The following SERGEF variants were observed in gnomAD, a reference collection of about 807,000 sequenced individuals.
SERGEF encodes the protein secretion regulating guanine nucleotide exchange factor, also known as secretion-regulating guanine nucleotide exchange factor.
A neutral mutation model predicts 50.0 loss-of-function variants in SERGEF; 51 were observed. The ratio of observed to expected loss-of-function variants is 1.02; its 90% CI spans 0.81 to 1.29. SERGEF has a LOEUF of 1.29. Among genes scored for constraint, SERGEF ranks in the 50% most tolerant of loss-of-function variants. The probability of loss-of-function intolerance (pLI) is 0.00; values close to 1 mark genes in which losing one functional copy is unlikely to be tolerated. For synonymous variants in SERGEF, 205 were observed against 212.4 expected, an observed-to-expected ratio of 0.97 and a Z score of 0.30; for missense variants, 521 against 557.0, an observed-to-expected ratio of 0.94 and a Z score of 0.65.
At chr11:17,830,117 T>C (rs1406766008) in intron 10 of SERGEF, among the ~76,000 whole-genome samples, 1 of 152,210 alleles carries the variant, frequency 6.6e-6, no homozygotes, top group Non-Finnish European at 1.5e-5. Flanking sequence ...CCCACCTCTC[T>C]ACCCATCCTG....
At chr11:17,977,292 G>A (rs1853397686) in intron 8 of SERGEF, among the ~76,000 whole-genome samples, 1 of 152,184 alleles carries the variant, frequency 6.6e-6, no homozygotes, top group Admixed American at 6.5e-5. Flanking sequence ...ACACAGTGAA[G>A]GGAATAGAGT....
chr11:17,938,291 C>A (rs1023551431), intron 9 of SERGEF, among the ~76,000 whole-genome samples: 1 of 152,148 alleles, frequency 6.6e-6, no homozygotes, highest in Non-Finnish European at 1.5e-5. Context: ...GTTTGGCCCA[C>A]CAAGTATTTT....
chr11:17,959,707 CAAGAGA>C, intron 8 of SERGEF, 71 bp from the exon 9 acceptor site: 1 of 1,354,070 alleles, frequency 7.4e-7, no homozygotes, highest in Non-Finnish European at 1.0e-6. Context: ...CAATGAATTA[CAAGAGA>C]AAGTGTGACA....
intron 8 of SERGEF, among the ~76,000 whole-genome samples, chr11:17,967,977 C>T (rs1372994716): frequency 6.6e-6 from 1 of 152,222 alleles, no homozygotes; most frequent in Non-Finnish European, 1.5e-5. Context: ...ATCCCCTGGT[C>T]AGAATAAGCC....
intron 9 of SERGEF, among the ~76,000 whole-genome samples, chr11:17,938,003 T>TA (rs1852487471): frequency 6.6e-6 from 1 of 152,192 alleles, no homozygotes; most frequent in Non-Finnish European, 1.5e-5. Context: ...GGAACAACCC[T>TA]AGCAGTCAGT....
At chr11:17,994,499 A>AAAG (rs1853792798) in intron 6 of SERGEF, among the ~76,000 whole-genome samples, 1 of 150,618 alleles carries the variant, frequency 6.6e-6, no homozygotes, top group Non-Finnish European at 1.5e-5. Flanking sequence ...AAAAAAAAAA[A>AAAG]TTCTTAGAAT....
intron 10 of SERGEF, among the ~76,000 whole-genome samples, chr11:17,791,949 C>T (rs1266152775): frequency 6.6e-6 from 1 of 151,784 alleles, no homozygotes; most frequent in Non-Finnish European, 1.5e-5. Context: ...ACTTTTTTTT[C>T]CTCAGTTTGA....
At position 17,878,194 on chromosome 11, in the gene SERGEF, T is replaced by C; in HGVS notation, c.1048+14A>G. The C allele has an allele frequency of 6.4e-7, 1 of 1,560,276 alleles. No individual in the cohort carries two copies. Among genetic ancestry groups the C allele is most frequent in the Non-Finnish European group, 8.8e-7 (1 of 1,138,430 alleles). ...TTTTCAGAAGAAACAGTTATCAGTA[T>C]AAAAATTACTTACCAATTATTGCCA... On this transcript the variant is annotated intron_variant, in intron 10 of 10. Coordinates refer to ENST00000265965, the MANE Select transcript of SERGEF (RefSeq NM_012139.4).
At chr11:17,947,901 T>C (rs1328900368) in intron 9 of SERGEF, among the ~76,000 whole-genome samples, 1 of 152,100 alleles carries the variant, frequency 6.6e-6, no homozygotes, top group Non-Finnish European at 1.5e-5. Flanking sequence ...AAACAGGAAC[T>C]AACATTATTA....
chr11:17,933,669 C>G (rs1185051623), intron 9 of SERGEF, among the ~76,000 whole-genome samples: 1 of 151,674 alleles, frequency 6.6e-6, no homozygotes, highest in Non-Finnish European at 1.5e-5. Context: ...AACAAATAAA[C>G]CCTCTATTGA....
chr11:17,920,359 T>C (rs1166997625), intron 9 of SERGEF, among the ~76,000 whole-genome samples: 2 of 152,204 alleles, frequency 1.3e-5, no homozygotes, highest in East Asian at 1.9e-4. Flanking sequence ...TCTTCTAACA[T>C]GGTATTTGAG....
At chr11:17,932,453 G>A (rs1852372861) in intron 9 of SERGEF, among the ~76,000 whole-genome samples, 1 of 152,068 alleles carries the variant, frequency 6.6e-6, no homozygotes, top group African/African-American at 2.4e-5. Context: ...ATGTTCCTGG[G>A]GTCAATAATT....
intron 10 of SERGEF, among the ~76,000 whole-genome samples, chr11:17,851,514 T>C (rs1015646610): frequency 2.0e-5 from 3 of 152,090 alleles, no homozygotes; most frequent in African/African-American, 7.2e-5. Flanking sequence ...TCTGTGACTG[T>C]GGGGCCCTGT....
chr11:17,869,118 C>A (rs771854513), intron 10 of SERGEF, among the ~76,000 whole-genome samples: 72 of 152,128 alleles, frequency 4.7e-4, no homozygotes, highest in Non-Finnish European at 9.1e-4. Flanking sequence ...CAATGCATGA[C>A]CATACTAGAA....
chr11:18,000,953 T>C, intron 4 of SERGEF: 1 of 351,230 alleles, frequency 2.8e-6, no homozygotes, highest in Non-Finnish European at 5.5e-6. Flanking sequence ...TGAGCATGAC[T>C]GTGTGCCAGT....
intron 10 of SERGEF, among the ~76,000 whole-genome samples, chr11:17,841,719 AAAAAG>A (rs1370340731): frequency 2.6e-5 from 4 of 152,196 alleles, no homozygotes; most frequent in Admixed American, 6.5e-5. Context: ...AGCTTAGAAT[AAAAAG>A]AAAAGAAACT....
intron 10 of SERGEF, among the ~76,000 whole-genome samples, chr11:17,801,023 G>A (rs368664334): frequency 6.6e-6 from 1 of 151,864 alleles, no homozygotes; most frequent in Admixed American, 6.6e-5. Context: ...GTGAAAGCCT[G>A]TCTCTACTAA....
At chr11:17,895,844 A>G (rs1450662891) in intron 9 of SERGEF, among the ~76,000 whole-genome samples, 1 of 152,194 alleles carries the variant, frequency 6.6e-6, no homozygotes, top group African/African-American at 2.4e-5. Context: ...TCAGAAACAC[A>G]GCTTATAGTC....
chr11:17,907,833 T>C (rs999979758), intron 9 of SERGEF, among the ~76,000 whole-genome samples: 2 of 152,032 alleles, frequency 1.3e-5, no homozygotes, highest in Non-Finnish European at 2.9e-5. Context: ...GAAACAAACA[T>C]CAGGTTTCTC....
Sources: gnomAD v4.1 joint callset for allele counts (sites outside exome capture counted in the v4.1 genomes callset) on GRCh38, gnomAD v4.1.1 for gene constraint, MANE v1.5 for transcripts, NCBI Gene and HGNC (gene_info 2026-07-23, HGNC 2026-07-21) for gene names.